Variants in PRKACB observed in about 807,000 individuals in gnomAD.
The protein encoded by PRKACB is protein kinase cAMP-activated catalytic subunit beta, also known as cAMP-dependent protein kinase catalytic subunit beta.
PRKACB carries 16 observed loss-of-function variants against 51.4 expected under a neutral mutation model. The ratio of observed to expected loss-of-function variants is 0.31; its 90% CI spans 0.21 to 0.47. The LOEUF is 0.47. PRKACB is among the 20% of genes least tolerant of loss of function. The pLI is 1.00. For missense variants in PRKACB, 309 were observed against 464.5 expected (o/e 0.67, Z 3.08); for synonymous variants, 147 against 154.4 (o/e 0.95, Z 0.35).
intron 1 of PRKACB, chr1:84,164,727 A>C: frequency 7.3e-7 from 1 of 1,375,284 alleles, no homozygotes; most frequent in Non-Finnish European, 9.4e-7. Flanking sequence ...TATATGAAGG[A>C]GGCTGGGATA....
chr1:84,170,860 GA>G (rs1430036874), intron 1 of PRKACB, among the ~76,000 whole-genome samples: 1 of 151,652 alleles, frequency 6.6e-6, no homozygotes, highest in Non-Finnish European at 1.5e-5. Flanking sequence ...CTATGTAGGA[GA>G]AATTTTATAG....
chr1:84,134,885 A>G (rs1285513033), intron 1 of PRKACB, among the ~76,000 whole-genome samples: 1 of 152,204 alleles, frequency 6.6e-6, no homozygotes, highest in Non-Finnish European at 1.5e-5. Flanking sequence ...TATTGAAATT[A>G]TCACCCAGTA....
chr1:84,181,679 C>A lies in PRKACB; in HGVS notation c.250-521C>A, dbSNP rs527403290. 7.2e-4 allele frequency: 1,099 copies of A among 1,520,348 alleles called. 1 individual carries two copies. Among genetic ancestry groups the A allele is most frequent in the Non-Finnish European group, 8.8e-4 (998 of 1,138,504 alleles). The allele number at this position is 1,520,348 out of a possible 1,614,324, so 94.2% of individuals were successfully genotyped here. ...TCTCTCATGCTGCTACTATCTAGTT[C>A]TATAAGCTTATATAAAGACAGAAAT... is the stretch of plus-strand genomic sequence containing the variant. On this transcript the variant is annotated intron_variant, in intron 2 of 9. Coordinates refer to ENST00000370685, the MANE Select transcript of PRKACB (RefSeq NM_182948.4).
At chr1:84,200,659 T>C (rs1184190192) in intron 7 of PRKACB, among the ~76,000 whole-genome samples, 1 of 152,176 alleles carries the variant, frequency 6.6e-6, no homozygotes, top group African/African-American at 2.4e-5. Context: ...TTGATTTTTG[T>C]ATATGGTATA....
rs906339363 is a variant in PRKACB at position 84,107,510 on chromosome 1, A to G, written c.46+29139A>G. ...TGGGACCTGTTTAAAGAGCTTTTGC[A>G]TAGCAAAAGAAACTATCAACAGAAT... On this transcript the variant is annotated intron_variant, in intron 1 of 8. Transcript: ENST00000370688. Among the ~76,000 whole-genome samples, 11 of 152,288 alleles carry G rather than the reference A, an allele frequency of 7.2e-5. No individual in the cohort carries two copies. The South Asian group carries it at 2.3e-3, about 32-fold the overall frequency.
intron 1 of PRKACB, among the ~76,000 whole-genome samples, chr1:84,116,718 T>G (rs781304319): frequency 2.6e-5 from 4 of 152,148 alleles, no homozygotes; most frequent in Non-Finnish European, 2.9e-5. Flanking sequence ...GAGTTTTTGG[T>G]GAAGTCTTTG....
At chr1:84,080,159 T>C (rs1647409578) in intron 1 of PRKACB, among the ~76,000 whole-genome samples, 3 of 152,170 alleles carry the variant, frequency 2.0e-5, no homozygotes, top group Admixed American at 2.0e-4. Flanking sequence ...TTAGTAGTTT[T>C]CATTAGCAAG....
chr1:84,153,118 C>A (rs1655038976), intron 1 of PRKACB, among the ~76,000 whole-genome samples: 1 of 152,006 alleles, frequency 6.6e-6, no homozygotes, highest in South Asian at 2.1e-4. Context: ...AAATGGGGGA[C>A]TAGCTGGTGA....
intron 1 of PRKACB, among the ~76,000 whole-genome samples, chr1:84,176,736 T>C (rs1661415578): frequency 6.6e-6 from 1 of 151,864 alleles, no homozygotes; most frequent in Admixed American, 6.6e-5. Context: ...TATAATAATA[T>C]ATTTGATTAA....
At chr1:84,172,560 A>T (rs1659870761) in intron 1 of PRKACB, among the ~76,000 whole-genome samples, 1 of 151,744 alleles carries the variant, frequency 6.6e-6, no homozygotes, top group South Asian at 2.1e-4. Context: ...ACACTGTGTG[A>T]ATTCATAGTG....
At chr1:84,197,626 T>C in intron 6 of PRKACB, 103 bp from the exon 7 acceptor site, 3 of 724,980 alleles carry the variant, frequency 4.1e-6, no homozygotes, top group Non-Finnish European at 6.4e-6. Flanking sequence ...TTTCCATTTC[T>C]TTCATAGTTT....
At chr1:84,166,912 C>G (rs1253886492) in intron 1 of PRKACB, among the ~76,000 whole-genome samples, 3 of 151,554 alleles carry the variant, frequency 2.0e-5, no homozygotes, top group African/African-American at 7.3e-5. Flanking sequence ...ACGTTCAGTT[C>G]AAAAGTGGAT....
intron 8 of PRKACB, among the ~76,000 whole-genome samples, chr1:84,206,313 A>G (rs1671336595): frequency 6.6e-6 from 1 of 152,168 alleles, no homozygotes; most frequent in African/African-American, 2.4e-5. Context: ...GGGAAATTCA[A>G]TATTTACATG....
At chr1:84,102,584 A>G (rs1649435476) in intron 1 of PRKACB, among the ~76,000 whole-genome samples, 1 of 152,154 alleles carries the variant, frequency 6.6e-6, no homozygotes, top group Admixed American at 6.5e-5. Context: ...ATATATTAGA[A>G]TTTGATAATA....
intron 1 of PRKACB, among the ~76,000 whole-genome samples, chr1:84,156,750 A>C (rs1238881069): frequency 6.6e-6 from 1 of 152,204 alleles, no homozygotes; most frequent in Non-Finnish European, 1.5e-5. Flanking sequence ...ATTTTAAATC[A>C]AGAGATTCAT....
At chr1:84,197,100 T>A (rs1346511607) in intron 6 of PRKACB, among the ~76,000 whole-genome samples, 1 of 152,178 alleles carries the variant, frequency 6.6e-6, no homozygotes, top group Non-Finnish European at 1.5e-5. Flanking sequence ...ATCTTCATTT[T>A]AAGATTAACA....
chr1:84,191,720 A>G (rs1666843980), intron 5 of PRKACB, among the ~76,000 whole-genome samples: 1 of 152,076 alleles, frequency 6.6e-6, no homozygotes, highest in Non-Finnish European at 1.5e-5. Context: ...AAAATTACCC[A>G]GTGGGTGCTA....
intron 1 of PRKACB, among the ~76,000 whole-genome samples, chr1:84,125,238 C>T (rs1651469277): frequency 2.6e-5 from 4 of 152,244 alleles, no homozygotes; most frequent in South Asian, 4.1e-4. Flanking sequence ...CTAGGGGGCT[C>T]CCTTAGCTCT....
chr1:84,164,402 C>T, intron 1 of PRKACB: 1 of 1,574,634 alleles, frequency 6.4e-7, no homozygotes, highest in Non-Finnish European at 8.6e-7. Flanking sequence ...TTGCTCCTTG[C>T]CAGGTTCAAC....
Sources: gnomAD v4.1 joint callset for allele counts (sites outside exome capture counted in the v4.1 genomes callset) on GRCh38, gnomAD v4.1.1 for gene constraint, MANE v1.5 for transcripts, NCBI Gene and HGNC (gene_info 2026-07-23, HGNC 2026-07-21) for gene names.